The following SUGCT variants were observed in gnomAD, a reference collection of about 807,000 sequenced individuals.
SUGCT encodes the protein succinyl-CoA:glutarate-CoA transferase, also known as succinyl-CoA:glutarate CoA-transferase.
A neutral mutation model predicts 55.0 loss-of-function variants in SUGCT; 41 were observed. The ratio of observed to expected loss-of-function variants is 0.74; its 90% CI spans 0.58 to 0.97. SUGCT has a LOEUF of 0.97. Ranked by LOEUF, SUGCT falls within the 50% of genes least tolerant of loss-of-function variation. The pLI is 0.00. For missense variants in SUGCT, 568 were observed against 547.8 expected, an observed-to-expected ratio of 1.04 and a Z score of -0.37; for synonymous variants, 187 against 200.4, an observed-to-expected ratio of 0.93 and a Z score of 0.56.
intron 9 of SUGCT, 46 bp downstream of exon 9, chr7:40,316,901 T>C: frequency 1.1e-6 from 1 of 922,342 alleles, no homozygotes; most frequent in Non-Finnish European, 1.6e-6. Flanking sequence ...ATTTGCAGTT[T>C]TATATGATGT....
At chr7:40,820,972 A>G (rs1426217344) in intron 13 of SUGCT, among the ~76,000 whole-genome samples, 1 of 152,194 alleles carries the variant, frequency 6.6e-6, no homozygotes, top group Non-Finnish European at 1.5e-5. Context: ...TTTTAGCATG[A>G]AGGGCTGTTG....
intron 12 of SUGCT, among the ~76,000 whole-genome samples, chr7:40,636,449 C>G (rs1800024857): frequency 6.6e-6 from 1 of 152,152 alleles, no homozygotes; most frequent in African/African-American, 2.4e-5. Flanking sequence ...CTACCTCATT[C>G]TATTCATTAG....
At chr7:40,644,529 C>T (rs898691117) in intron 12 of SUGCT, among the ~76,000 whole-genome samples, 11 of 152,186 alleles carry the variant, frequency 7.2e-5, no homozygotes, top group Non-Finnish European at 1.3e-4. Context: ...TTTAAACTTC[C>T]TACAGCTGTG....
At chr7:40,251,643 T>C (rs1790415554) in intron 7 of SUGCT, among the ~76,000 whole-genome samples, 1 of 152,214 alleles carries the variant, frequency 6.6e-6, no homozygotes, top group African/African-American at 2.4e-5. Context: ...TTGGTCTTGG[T>C]TCTGGGCCTG....
chr7:40,453,281 T>C (rs968128753), intron 10 of SUGCT, among the ~76,000 whole-genome samples: 6 of 152,174 alleles, frequency 3.9e-5, no homozygotes, highest in Non-Finnish European at 7.4e-5. Flanking sequence ...TGAATCTCCT[T>C]TCCTTTTCCC....
chr7:40,274,482 T>A (rs755490780), intron 7 of SUGCT, 31 bp from the exon 8 acceptor site: 16 of 1,594,678 alleles, frequency 1.0e-5, no homozygotes, highest in Non-Finnish European at 1.4e-5. Context: ...GTTTAATTAT[T>A]TCTTCTTTCT....
intron 9 of SUGCT, among the ~76,000 whole-genome samples, chr7:40,365,155 C>T (rs1281282536): frequency 6.6e-6 from 1 of 152,078 alleles, no homozygotes; most frequent in Non-Finnish European, 1.5e-5. Flanking sequence ...GAACCAAAGA[C>T]AAAAACCACA....
the SUGCT span, among the ~76,000 whole-genome samples, chr7:40,955,446 G>A: frequency 3.3e-5 from 5 of 152,076 alleles, no homozygotes; most frequent in African/African-American, 4.8e-5. Context: ...TCTGTTGTTG[G>A]TGTATAGGAA....
chr7:40,739,627 C>T (rs73312207), intron 12 of SUGCT, among the ~76,000 whole-genome samples: 1,745 of 152,218 alleles, frequency 0.011, 25 homozygotes, highest in African/African-American at 0.04. Context: ...CCCCCAGCTC[C>T]AGTACACATG....
At chr7:40,409,545 C>T (rs144960803) in intron 9 of SUGCT, among the ~76,000 whole-genome samples, 1 of 152,188 alleles carries the variant, frequency 6.6e-6, no homozygotes, top group Admixed American at 6.5e-5. Context: ...CAGGTATGAG[C>T]CACCATACCT....
At position 40,142,458 on chromosome 7, in the gene SUGCT, G is replaced by T. The variant is rs575144950; in HGVS notation, c.100+7338G>T. Among the ~76,000 whole-genome samples, 25 of 152,310 alleles carry T rather than the reference G, an allele frequency of 1.6e-4. No homozygotes were observed. The South Asian group carries it at 5.0e-3, about 30-fold the overall frequency. The stretch of plus-strand genomic sequence containing the variant: ...AAGAAGCTTCTTTACATAAGGCAGA[G>T]AATAGTTAAGGGAGGTTTTAGTAAG... On this transcript the variant is annotated intron_variant, in intron 1 of 13. Transcript: ENST00000335693.
chr7:41,026,634 A>G, the SUGCT span, among the ~76,000 whole-genome samples: 1 of 152,248 alleles, frequency 6.6e-6, no homozygotes, highest in East Asian at 1.9e-4. Context: ...GTCTTTAGAT[A>G]GTATTAACAT....
At chr7:40,501,553 A>G (rs908976928) in intron 12 of SUGCT, among the ~76,000 whole-genome samples, 1 of 152,136 alleles carries the variant, frequency 6.6e-6, no homozygotes, top group African/African-American at 2.4e-5. Flanking sequence ...TTTTTTATGG[A>G]CACAATGTCT....
chr7:40,326,602 C>T (rs1050546334), intron 9 of SUGCT, among the ~76,000 whole-genome samples: 3 of 152,182 alleles, frequency 2.0e-5, no homozygotes, highest in African/African-American at 4.8e-5. Flanking sequence ...AGAACTTTTT[C>T]GGAAATTGTA....
chr7:40,381,209 A>G (rs1234794307), intron 9 of SUGCT, among the ~76,000 whole-genome samples: 3 of 152,080 alleles, frequency 2.0e-5, no homozygotes, highest in Non-Finnish European at 4.4e-5. Flanking sequence ...ATTCCCCTGA[A>G]TATGGCTGGC....
intron 13 of SUGCT, among the ~76,000 whole-genome samples, chr7:40,798,936 C>T (rs1391709342): frequency 6.6e-6 from 1 of 152,174 alleles, no homozygotes; most frequent in Non-Finnish European, 1.5e-5. Flanking sequence ...CTTGTCATTT[C>T]TCATTACAAG....
the SUGCT span, among the ~76,000 whole-genome samples, chr7:40,978,357 G>A: frequency 9.2e-5 from 14 of 152,352 alleles, no homozygotes; most frequent in East Asian, 9.6e-4. Flanking sequence ...CGACCACAAT[G>A]TCCTGGCAAG....
At chr7:40,419,781 C>T (rs1787208164) in intron 9 of SUGCT, among the ~76,000 whole-genome samples, 2 of 152,158 alleles carry the variant, frequency 1.3e-5, no homozygotes, top group Admixed American at 1.3e-4. Context: ...GTAGCCTAAC[C>T]TGCTTCTTTG....
At chr7:40,354,809 G>T (rs1209428708) in intron 9 of SUGCT, among the ~76,000 whole-genome samples, 1 of 152,174 alleles carries the variant, frequency 6.6e-6, no homozygotes, top group Non-Finnish European at 1.5e-5. Context: ...GATGAGGCTG[G>T]ATACATAACA....
Sources: gnomAD v4.1 joint callset for allele counts (sites outside exome capture counted in the v4.1 genomes callset) on GRCh38, gnomAD v4.1.1 for gene constraint, MANE v1.5 for transcripts, NCBI Gene and HGNC (gene_info 2026-07-23, HGNC 2026-07-21) for gene names.